Variants in CHERP observed in about 807,000 individuals in gnomAD.
CHERP encodes the protein ERPROT 213-21.
In CHERP, 8 loss-of-function variants were observed where a neutral mutation model predicts 113.8. That is an observed-to-expected ratio of 0.07 (90% confidence interval 0.04 to 0.13). The LOEUF (loss-of-function observed/expected upper bound fraction) is 0.13. Ranked by LOEUF, CHERP falls within the 10% of genes least tolerant of loss-of-function variation. The pLI is 1.00. For missense variants in CHERP, 884 were observed against 1,298.2 expected, an observed-to-expected ratio of 0.68 and a Z score of 4.90; for synonymous variants, 559 against 524.5, an observed-to-expected ratio of 1.07 and a Z score of -0.90.
intron 7 of CHERP, 73 bp from the exon 8 acceptor site, chr19:16,529,973 G>A (rs960886476): frequency 6.5e-6 from 10 of 1,529,136 alleles, no homozygotes; most frequent in African/African-American, 1.4e-5. Context: ...GAGGACAAAC[G>A]CCTGGAAAGC....
At position 16,520,006 on chromosome 19, in the gene CHERP, T is replaced by G; in HGVS notation, c.2462+143A>C. ...AGGCTTCGCCAAGTGGCTACTGTGG[T>G]GAAGGGTGAGGGGTGCCACTGTCCC... is the stretch of plus-strand genomic sequence containing the variant. On this transcript the variant is annotated intron_variant, in intron 15 of 16. Coordinates refer to ENST00000546361, the MANE Select transcript of CHERP (RefSeq NM_006387.6). The surrounding 1 kb of genome is among the most constrained non-coding windows in gnomAD (Gnocchi z 4.0). 1 of 876,962 alleles carries G rather than the reference T, an allele frequency of 1.1e-6. No homozygotes were observed. 54.3% of individuals were successfully genotyped at this position (876,962 alleles called of 1,614,324 possible).
chr19:16,541,075 G>A (rs1279674285), intron 2 of CHERP: 1 of 151,916 alleles, frequency 6.6e-6, no homozygotes, highest in Non-Finnish European at 1.5e-5. Flanking sequence ...AATACAAGAC[G>A]AGCGTGTAGT....
At chr19:16,540,400 T>C (rs184260441) in intron 2 of CHERP, among the ~76,000 whole-genome samples, 162 of 131,360 alleles carry the variant, frequency 1.2e-3, no homozygotes, top group African/African-American at 4.5e-3. Context: ...TTAGATGGAG[T>C]CTCATTCTGT....
chr19:16,528,061 C>T lies in CHERP; in HGVS notation c.1305+19G>A, dbSNP rs778336537. The T allele has an allele frequency of 1.9e-6, 3 of 1,611,532 alleles. No individual in the cohort carries two copies. Among genetic ancestry groups the T allele is most frequent in the Non-Finnish European group, 2.5e-6 (3 of 1,179,552 alleles). On this transcript the variant is annotated intron_variant, in intron 9 of 16. Transcript: ENST00000546361. ...CCAAGTGTGCCCCATCTGCTCCCAC[C>T]CCAGGTTCCAATCAATACCTGCTGC...
rs760443633 is a variant in CHERP at position 16,542,405 on chromosome 19, G to C, written c.-27C>G. Reference sequence around the variant, plus strand: ...GCTCCGGCCGCGGGGAACGTCCTCCGGCGCCACACGATCGACCACCAGCGC... The same window carrying C: ...GCTCCGGCCGCGGGGAACGTCCTCCCGCGCCACACGATCGACCACCAGCGC... On this transcript the variant is annotated 5_prime_UTR_variant, in exon 1 of 17. Coordinates refer to ENST00000546361, the MANE Select transcript of CHERP (RefSeq NM_006387.6). 1.5e-6 allele frequency: 2 copies of C among 1,351,112 alleles called. No homozygotes were observed. The highest frequency in any genetic ancestry group is 1.9e-6 in the Non-Finnish European group (2 of 1,044,314). 83.7% of individuals were successfully genotyped at this position (1,351,112 alleles called of 1,614,324 possible). A position where few individuals can be genotyped will look rare whatever the true frequency, so the allele number is the denominator to read the frequency against.
chr19:16,526,684 C>T (rs1182610911), intron 9 of CHERP, among the ~76,000 whole-genome samples: 1 of 152,128 alleles, frequency 6.6e-6, no homozygotes, highest in Non-Finnish European at 1.5e-5. Flanking sequence ...CCAGGCTGGT[C>T]TCAAACTCCT....
At chr19:16,522,063 C>T (rs1165632440) in intron 11 of CHERP, among the ~76,000 whole-genome samples, 1 of 151,750 alleles carries the variant, frequency 6.6e-6, no homozygotes, top group African/African-American at 2.4e-5. Flanking sequence ...GGCCTGTATC[C>T]TTCTTCTGCT....
intron 5 of CHERP, among the ~76,000 whole-genome samples, chr19:16,531,367 G>C (rs559466737): frequency 2.6e-4 from 39 of 152,322 alleles, no homozygotes; most frequent in Non-Finnish European, 3.7e-4. Flanking sequence ...GAACACTTTA[G>C]AAGAGTGACC....
In CHERP at chr19:16,528,146, C is replaced by G; in HGVS notation, c.1239G>C (p.Gln413His). 2 of 1,613,748 alleles carry G rather than the reference C, an allele frequency of 1.2e-6. No homozygotes were observed. Among genetic ancestry groups the G allele is most frequent in the Non-Finnish European group, 1.7e-6 (2 of 1,179,940 alleles). ...ACCAAGGGGGCTTGTTTGGTGGGAT[C>G]TGGTCGTGTGGCCCGGGGCCCCGGG... ...AGPRGPGPHD[Q>H]IPPNKPPWFD... is the part of the protein sequence containing the mutation. Residue 413 changes from glutamine (Q) to histidine (H), a missense_variant, in exon 9 of 17, where the codon CAG becomes CAC. Transcript: ENST00000546361.
chr19:16,518,046 T>G lies in CHERP; in HGVS notation c.*1113A>C, dbSNP rs1321091494. 6.6e-6 allele frequency: 1 copy of G among 152,182 alleles called. No homozygotes were observed. Among genetic ancestry groups the G allele is most frequent in the Non-Finnish European group, 1.5e-5 (1 of 68,034 alleles). 9.4% of individuals were successfully genotyped at this position (152,182 alleles called of 1,614,324 possible). On this transcript the variant is annotated 3_prime_UTR_variant, in exon 17 of 17. Coordinates refer to ENST00000546361, the MANE Select transcript of CHERP (RefSeq NM_006387.6). Reference sequence around the variant, plus strand: ...AAATCAAATATTCATCACGTTGGGTTGAAAAGTTGGAAGATTTTGCATCTT... The same window carrying G: ...AAATCAAATATTCATCACGTTGGGTGGAAAAGTTGGAAGATTTTGCATCTT...
Position 16,519,847 on chromosome 19 carries a change from C to T in CHERP, c.2463-132G>A, listed in dbSNP as rs1362781945. 29 of 812,638 alleles carry T rather than the reference C, an allele frequency of 3.6e-5. No homozygotes were observed. Among genetic ancestry groups the T allele is most frequent in the East Asian group, 3.2e-4 (13 of 40,576 alleles). The allele number at this position is 812,638 out of a possible 1,614,324, so 50.3% of individuals were successfully genotyped here. A position where few individuals can be genotyped will look rare whatever the true frequency, so the allele number is the denominator to read the frequency against. Reference sequence around the variant, plus strand: ...CAGGTGACACCGTATGCAGATTTTGCGTCTCTACCCGTTTATCCTGTCTCA... The same window carrying T: ...CAGGTGACACCGTATGCAGATTTTGTGTCTCTACCCGTTTATCCTGTCTCA... On this transcript the variant is annotated intron_variant, in intron 15 of 16. Coordinates refer to ENST00000546361, the MANE Select transcript of CHERP (RefSeq NM_006387.6). The surrounding 1 kb of genome is among the most constrained non-coding windows in gnomAD (Gnocchi z 6.0).
rs1032252410 is a variant in CHERP, at chr19:16,521,224, A to G, written c.2114+297T>C. 17 of 571,644 alleles carry G rather than the reference A, an allele frequency of 3.0e-5. No individual in the cohort carries two copies. The African/African-American group carries it at 3.2e-4, about 11-fold the overall frequency. 35.4% of individuals were successfully genotyped at this position (571,644 alleles called of 1,614,324 possible). ...GGACAGGCCTGCAGCCCAGCACAGG[A>G]AGGAGGGGTGACCACTGGGAAGGGT... On this transcript the variant is annotated intron_variant, in intron 12 of 16. Transcript: ENST00000546361.
intron 2 of CHERP, among the ~76,000 whole-genome samples, chr19:16,538,847 G>A (rs1337841819): frequency 1.3e-5 from 2 of 151,690 alleles, no homozygotes; most frequent in East Asian, 3.9e-4. Flanking sequence ...ACCGTCTGAG[G>A]TGTCTTCCTC....
intron 10 of CHERP, among the ~76,000 whole-genome samples, chr19:16,524,762 G>C (rs1415558641): frequency 1.3e-5 from 2 of 150,812 alleles, no homozygotes; most frequent in Non-Finnish European, 1.5e-5. Context: ...AAGAAAAGTA[G>C]TTTTTTGTTT....
At position 16,519,548 on chromosome 19, in the gene CHERP, G is replaced by A. The variant is rs2085587287; in HGVS notation, c.2557+73C>T. 7.1e-7 allele frequency: 1 copy of A among 1,406,118 alleles called. No homozygotes were observed. The highest frequency in any genetic ancestry group is 2.1e-4 in the Middle Eastern group (1 of 4,704). The allele number at this position is 1,406,118 out of a possible 1,614,324, so 87.1% of individuals were successfully genotyped here. On this transcript the variant is annotated intron_variant, in intron 16 of 16. Coordinates refer to ENST00000546361, the MANE Select transcript of CHERP (RefSeq NM_006387.6). The surrounding 1 kb of genome is among the most constrained non-coding windows in gnomAD (Gnocchi z 6.0). ...CCATCCCCACATGCACTGAGGAAGA[G>A]AAAGCGCTGGTGACTCCCGGGCCCA...
chr19:16,520,007 GA>G lies in CHERP; in HGVS notation c.2462+141del. 1 of 885,762 alleles carries G rather than the reference GA, an allele frequency of 1.1e-6. No homozygotes were observed. Among genetic ancestry groups the G allele is most frequent in the Non-Finnish European group, 1.8e-6 (1 of 564,090 alleles). The allele number at this position is 885,762 out of a possible 1,614,324, so 54.9% of individuals were successfully genotyped here. A position where few individuals can be genotyped will look rare whatever the true frequency, so the allele number is the denominator to read the frequency against. On this transcript the variant is annotated intron_variant, in intron 15 of 16. Coordinates refer to ENST00000546361, the MANE Select transcript of CHERP (RefSeq NM_006387.6). The surrounding 1 kb of genome is among the most constrained non-coding windows in gnomAD (Gnocchi z 4.0). ...GGCTTCGCCAAGTGGCTACTGTGGT[GA>G]AGGGTGAGGGGTGCCACTGTCCCCG...
intron 9 of CHERP, 92 bp downstream of exon 9, chr19:16,527,988 A>T: frequency 3.2e-6 from 4 of 1,243,976 alleles, no homozygotes; most frequent in Non-Finnish European, 4.6e-6. Flanking sequence ...TTCCCCAGTA[A>T]GCCACTCAAC....
Position 16,529,730 on chromosome 19 carries a change from A to G in CHERP, c.1047T>C (p.Ala349=). ...QQQLQMPQME[A]EVKATPPPPA... The stretch of plus-strand genomic sequence containing the variant: ...GCGGTGGAGGCGTGGCCTTGACTTC[A>G]GCCTCCATCTGCGGCATCTGGAGCT... Residue 349 remains alanine (A), a synonymous_variant, in exon 8 of 17, where the codon GCT becomes GCC. Transcript: ENST00000546361. 1 of 1,608,534 alleles carries G rather than the reference A, an allele frequency of 6.2e-7. No homozygotes were observed.
Position 16,520,052 on chromosome 19 carries a change from C to G in CHERP, c.2462+97G>C. 2.3e-6 allele frequency: 3 copies of G among 1,324,726 alleles called. No individual in the cohort carries two copies. The highest frequency in any genetic ancestry group is 3.2e-6 in the Non-Finnish European group (3 of 937,166). The allele number at this position is 1,324,726 out of a possible 1,614,324, so 82.1% of individuals were successfully genotyped here. Reference sequence around the variant, plus strand: ...GTCCCCGGGCTAATGCTGGCGGCCTCCTAACACAGTCTCCTAACCACCAAT... The same window carrying G: ...GTCCCCGGGCTAATGCTGGCGGCCTGCTAACACAGTCTCCTAACCACCAAT... On this transcript the variant is annotated intron_variant, in intron 15 of 16. Coordinates refer to ENST00000546361, the MANE Select transcript of CHERP (RefSeq NM_006387.6). This position sits in a 1 kb window ranked among gnomAD's most constrained non-coding sequence, Gnocchi z 4.0.
Sources: gnomAD v4.1 joint callset for allele counts (sites outside exome capture counted in the v4.1 genomes callset) on GRCh38, gnomAD v4.1.1 for gene constraint, Gnocchi (gnomAD v3.1) non-coding constraint, MANE v1.5 for transcripts, NCBI Gene and HGNC (gene_info 2026-07-23, HGNC 2026-07-21) for gene names.